KDM4A: variants seen among roughly 807,000 people sequenced by gnomAD.
KDM4A encodes the protein lysine demethylase 4A, also known as lysine-specific demethylase 4A.
KDM4A carries 23 observed loss-of-function variants against 127.1 expected under a neutral mutation model. The ratio of observed to expected loss-of-function variants is 0.18; its 90% CI spans 0.13 to 0.26. KDM4A has a LOEUF of 0.26. Ranked by LOEUF, KDM4A falls within the 10% of genes least tolerant of loss-of-function variation. The pLI is 1.00. For missense variants in KDM4A, 890 were observed against 1,329.1 expected (o/e 0.67, Z 5.14); for synonymous variants, 443 against 466.5 (o/e 0.95, Z 0.65).
At position 43,704,645 on chromosome 1, in the gene KDM4A, G is replaced by A. The variant is rs304302; in HGVS notation, c.*275G>A. On this transcript the variant is annotated 3_prime_UTR_variant, in exon 22 of 22. Coordinates refer to ENST00000372396, the MANE Select transcript of KDM4A (RefSeq NM_014663.3). ...GCTGCACTGGCCCCAGTCCATAGAG[G>A]GGTCAACTATGCTGGCTGGACTGGC... is the stretch of plus-strand genomic sequence containing the variant. 8,133 of 442,744 alleles carry A rather than the reference G, an allele frequency of 0.018. 584 individuals carry two copies. The highest frequency in any genetic ancestry group is 0.15 in the African/African-American group (7,381 of 50,184). The allele number at this position is 442,744 out of a possible 1,614,324, so 27.4% of individuals were successfully genotyped here.
intron 3 of KDM4A, among the ~76,000 whole-genome samples, chr1:43,659,588 G>A (rs1354027832): frequency 6.6e-6 from 1 of 152,194 alleles, no homozygotes; most frequent in Non-Finnish European, 1.5e-5. Flanking sequence ...CCAAAGTGCT[G>A]GGATAACAGG....
chr1:43,688,953 A>G lies in KDM4A; in HGVS notation c.1895A>G (p.Glu632Gly), dbSNP rs1661047940. 1 of 1,614,086 alleles carries G rather than the reference A, an allele frequency of 6.2e-7. No individual in the cohort carries two copies. Among genetic ancestry groups the G allele is most frequent in the Admixed American group, 1.7e-5 (1 of 60,006 alleles). ...EQLTPEEEAE[E>G]TEAWAKPLSQ... is the part of the protein sequence containing the mutation. The stretch of plus-strand genomic sequence containing the variant: ...CTGACCCCTGAGGAAGAGGCTGAGG[A>G]GACAGAGGCCTGGGCCAAGCCTCTG... Residue 632 changes from glutamate to glycine, a missense_variant, in exon 13 of 22, where the codon GAG becomes GGG. Coordinates refer to ENST00000372396, the MANE Select transcript of KDM4A (RefSeq NM_014663.3). The surrounding 1 kb of genome is among the most constrained non-coding windows in gnomAD (Gnocchi z 4.4).
At chr1:43,686,741 G>A (rs1206005415) in intron 12 of KDM4A, among the ~76,000 whole-genome samples, 1 of 152,030 alleles carries the variant, frequency 6.6e-6, no homozygotes, top group Non-Finnish European at 1.5e-5. Flanking sequence ...TCAAACTAAG[G>A]TCACATACTG....
At chr1:43,675,844 G>A (rs1016101661) in intron 11 of KDM4A, among the ~76,000 whole-genome samples, 161 of 151,996 alleles carry the variant, frequency 1.1e-3, no homozygotes, top group African/African-American at 3.8e-3. Context: ...AGGCTGAGGC[G>A]GGTGGATCAC....
intron 1 of KDM4A, among the ~76,000 whole-genome samples, chr1:43,652,256 G>C (rs960115704): frequency 4.6e-5 from 7 of 152,218 alleles, no homozygotes; most frequent in Admixed American, 3.3e-4. Flanking sequence ...GTGTTAATAA[G>C]GGAGTAGCTT....
chr1:43,678,601 T>G (rs1414630349), intron 11 of KDM4A, among the ~76,000 whole-genome samples: 1 of 151,266 alleles, frequency 6.6e-6, no homozygotes, highest in African/African-American at 2.4e-5. Context: ...TTTTTTTTTT[T>G]TTTTGAGAAA....
chr1:43,650,711 A>G (rs1319614758), intron 1 of KDM4A: 3 of 152,290 alleles, frequency 2.0e-5, no homozygotes, highest in Non-Finnish European at 2.9e-5. Flanking sequence ...CTTCGCTTGC[A>G]TCATCTGAGC....
chr1:43,666,836 C>A, intron 7 of KDM4A, 118 bp from the exon 8 acceptor site: 1 of 983,762 alleles, frequency 1.0e-6, no homozygotes, highest in Non-Finnish European at 1.6e-6. Context: ...ACAGCAAGGA[C>A]CCCAGGGGTT....
At chr1:43,659,579 C>G (rs915298154) in intron 3 of KDM4A, among the ~76,000 whole-genome samples, 22 of 152,166 alleles carry the variant, frequency 1.4e-4, no homozygotes, top group Admixed American at 2.6e-4. Flanking sequence ...CCAGGCCTCC[C>G]AAAGTGCTGG....
At position 43,667,952 on chromosome 1, in the gene KDM4A, G is replaced by A. The variant is rs776347883; in HGVS notation, c.1096G>A (p.Glu366Lys). 2.0e-5 allele frequency: 33 copies of A among 1,614,036 alleles called. No individual in the cohort carries two copies. In the East Asian group the frequency reaches 3.3e-4, roughly 16 times the overall value. Residue 366 changes from glutamate to lysine, a missense_variant, in exon 9 of 22, where the codon GAG becomes AAG. By Grantham distance (56) the Glu-to-Lys change is moderately conservative. Coordinates refer to ENST00000372396, the MANE Select transcript of KDM4A (RefSeq NM_014663.3). ...TGAACTGCCTCCAAGAGCTGGCAACGAGGAGGAGTGCCCAGAGGAGGACAT... is the reference window on the plus strand; with the variant it reads ...TGAACTGCCTCCAAGAGCTGGCAACAAGGAGGAGTGCCCAGAGGAGGACAT... ...ESELPPRAGN[E>K]EECPEEDMEG...
At position 43,653,223 on chromosome 1, in the gene KDM4A, C is replaced by A. The variant is rs113523308; in HGVS notation, c.48C>A (p.Thr16=). The change falls in exon 2 of 22, where the codon ACC becomes ACA. Residue 16 remains threonine, a synonymous_variant. Transcript: ENST00000372396. ...TGAATCCCAGTGCTAGGATAATGAC[C>A]TTTTATCCAACTATGGAAGAGTTCC... ...ETLNPSARIM[T]FYPTMEEFRN... is the part of the protein sequence containing the mutation. 5.6e-4 allele frequency: 905 copies of A among 1,613,644 alleles called. 7 individuals are homozygous for A. In the African/African-American group the frequency reaches 0.011, roughly 19 times the overall value.
chr1:43,655,455 T>C, intron 2 of KDM4A, 136 bp from the exon 3 acceptor site: 2 of 731,618 alleles, frequency 2.7e-6, no homozygotes, highest in Non-Finnish European at 4.4e-6. Flanking sequence ...TTACTGTGTT[T>C]TGGTGAATGT....
Position 43,689,110 on chromosome 1 carries a change from T to C in KDM4A, c.2037+15T>C. ...CTTATCATCAGGTAACCCAGCTCCATGCACTCTGTTTACCCAGGACCAGCA... is the reference window on the plus strand; with the variant it reads ...CTTATCATCAGGTAACCCAGCTCCACGCACTCTGTTTACCCAGGACCAGCA... On this transcript the variant is annotated intron_variant, in intron 13 of 21. Coordinates refer to ENST00000372396, the MANE Select transcript of KDM4A (RefSeq NM_014663.3). 6.2e-7 allele frequency: 1 copy of C among 1,612,752 alleles called. No homozygotes were observed. The highest frequency in any genetic ancestry group is 8.5e-7 in the Non-Finnish European group (1 of 1,179,002).
chr1:43,669,285 G>A lies in KDM4A; in HGVS notation c.1349G>A (p.Gly450Asp). Reference protein sequence around the residue: ...THSSVRQVEDGLTFPDYSDST... With the variant: ...THSSVRQVEDDLTFPDYSDST... ...AGCTCTGTGCGGCAAGTTGAGGATG[G>A]TCTTACCTTCCCAGGTTAGTTGACT... Residue 450 changes from glycine (G) to aspartate (D), a missense_variant, in exon 10 of 22, where the codon GGT (glycine) becomes GAT (aspartate). This residue lies in a region of KDM4A where 389 missense variants were observed against 485.9 expected (regional missense o/e 0.80). Transcript: ENST00000372396. The A allele has an allele frequency of 6.2e-7, 1 of 1,614,184 alleles. No homozygotes were observed. The highest frequency in any genetic ancestry group is 1.1e-5 in the South Asian group (1 of 91,084).
chr1:43,656,200 A>G (rs1660232747), intron 3 of KDM4A, among the ~76,000 whole-genome samples: 1 of 152,122 alleles, frequency 6.6e-6, no homozygotes, highest in Non-Finnish European at 1.5e-5. Flanking sequence ...CTGTTTTGAC[A>G]TTAACAGTGT....
chr1:43,652,359 CT>C (rs554081633), intron 1 of KDM4A, among the ~76,000 whole-genome samples: 7 of 149,154 alleles, frequency 4.7e-5, no homozygotes, highest in Non-Finnish European at 8.9e-5. Context: ...AAACAATTTT[CT>C]TTTTTTTTTC....
intron 12 of KDM4A, among the ~76,000 whole-genome samples, chr1:43,685,792 T>C (rs917136561): frequency 6.6e-6 from 1 of 151,998 alleles, no homozygotes. Flanking sequence ...AAAAAGATCA[T>C]GATAAACAGG....
intron 16 of KDM4A, 120 bp downstream of exon 16, chr1:43,692,431 T>C: frequency 2.3e-6 from 2 of 856,438 alleles, no homozygotes; most frequent in African/African-American, 1.7e-5. Flanking sequence ...GCACATCGTG[T>C]GGAGCAGGAA....
At chr1:43,670,031 G>A (rs1268449182) in intron 10 of KDM4A, among the ~76,000 whole-genome samples, 1 of 152,202 alleles carries the variant, frequency 6.6e-6, no homozygotes, top group African/African-American at 2.4e-5. Flanking sequence ...ATATTAGGGT[G>A]GAAGGCAGCT....
Sources: allele counts gnomAD v4.1 joint callset (sites outside exome capture counted in the v4.1 genomes callset), GRCh38; gene constraint gnomAD v4.1.1; regional missense constraint gnomAD v4.1.1; non-coding constraint Gnocchi (gnomAD v3.1); transcripts MANE v1.5; gene names NCBI Gene and HGNC (gene_info 2026-07-23, HGNC 2026-07-21).